TOMT: variants seen among roughly 807,000 people sequenced by gnomAD.
TOMT encodes the protein transmembrane O-methyltransferase.
A neutral mutation model predicts 21.7 loss-of-function variants in TOMT; 23 were observed. The ratio of observed to expected loss-of-function variants is 1.06; its 90% CI spans 0.76 to 1.50. The LOEUF is 1.50. TOMT is among the 40% of genes most tolerant of loss of function. The probability of loss-of-function intolerance (pLI) is 0.00; values close to 1 mark genes in which losing one functional copy is unlikely to be tolerated. For synonymous variants in TOMT, 132 were observed against 150.8 expected (o/e 0.88, Z 0.91); for missense variants, 331 against 348.7 (o/e 0.95, Z 0.41).
chr11:72,107,840 G>A (rs1453584933), intron 1 of TOMT, 83 bp from the exon 2 acceptor site: 2 of 1,468,878 alleles, frequency 1.4e-6, no homozygotes, highest in African/African-American at 2.8e-5. Context: ...CTGCAGTGAG[G>A]CAGGTAGGCA....
chr11:72,108,241 G>T, intron 2 of TOMT, 122 bp downstream of exon 2: 1 of 875,068 alleles, frequency 1.1e-6, no homozygotes, highest in Non-Finnish European at 1.7e-6. Flanking sequence ...CTGTGATGCT[G>T]GATGGTGTGT....
exon 1 of TOMT, chr11:72,105,953 T>C (rs371708775): frequency 4.5e-6 from 7 of 1,548,082 alleles, no homozygotes; most frequent in South Asian, 1.2e-5. Context: ...GTAGGGACCA[T>C]GTCCCCTGCC....
At chr11:72,107,936 G>T in exon 2 of TOMT, 1 of 1,551,692 alleles carries the variant, frequency 6.4e-7, no homozygotes, top group Non-Finnish European at 8.7e-7. Context: ...AGATCCTGAT[G>T]CGGCTGGTGG....
chr11:72,107,278 A>T, intron 1 of TOMT: 1 of 601,728 alleles, frequency 1.7e-6, no homozygotes, highest in Non-Finnish European at 3.0e-6. Flanking sequence ...AAAATAAATA[A>T]ATAAAAGTTC....
At chr11:72,108,503 G>T in intron 2 of TOMT, 102 bp from the exon 3 acceptor site, 1 of 1,041,588 alleles carries the variant, frequency 9.6e-7, no homozygotes. Context: ...CTCATGGGAA[G>T]CTAAGCCAGG....
chr11:72,107,792 TG>T, intron 1 of TOMT, 130 bp from the exon 2 acceptor site: 1 of 931,338 alleles, frequency 1.1e-6, no homozygotes, highest in Non-Finnish European at 1.6e-6. Context: ...GCTGGGGCTA[TG>T]GTACAAGAGA....
At chr11:72,108,027 C>T (rs564372520) in exon 2 of TOMT, 1 of 1,551,626 alleles carries the variant, frequency 6.4e-7, no homozygotes, top group Non-Finnish European at 8.7e-7. Context: ...AGCCCTGCCC[C>T]CTGGGGGTCG....
At chr11:72,107,659 C>T (rs865900005) in intron 1 of TOMT, 20 of 619,192 alleles carry the variant, frequency 3.2e-5, no homozygotes, top group East Asian at 2.7e-5. Flanking sequence ...GGCTGAGAAT[C>T]CCAAGTTCAA....
In TOMT at chr11:72,107,330, A is replaced by G. The variant is rs532998461; in HGVS notation, c.260-593A>G. 14 of 616,710 alleles carry G rather than the reference A, an allele frequency of 2.3e-5. 1 individual carries two copies. In the African/African-American group the frequency reaches 2.6e-4, roughly 11 times the overall value. The allele number at this position is 616,710 out of a possible 1,614,324, so 38.2% of individuals were successfully genotyped here. A position where few individuals can be genotyped will look rare whatever the true frequency, so the allele number is the denominator to read the frequency against. Reference sequence around the variant, plus strand: ...AGAAATACATTTGATGAGCAATAAAAGGGGAATGAAACTACAAATTCTAAC... The same window carrying G: ...AGAAATACATTTGATGAGCAATAAAGGGGGAATGAAACTACAAATTCTAAC... On this transcript the variant is annotated intron_variant, in intron 1 of 2. Transcript: ENST00000541899.
chr11:72,106,441 G>A, intron 1 of TOMT: 2 of 438,406 alleles, frequency 4.6e-6, no homozygotes, highest in South Asian at 1.2e-4. Context: ...GAGAGGGGTA[G>A]AGGCCACAGA....
rs763075211 is a variant in TOMT, at chr11:72,106,143, C to T, written c.192C>T (p.His64=). 5 of 1,540,196 alleles carry T rather than the reference C, an allele frequency of 3.2e-6. No homozygotes were observed. In the South Asian group the frequency reaches 6.0e-5, roughly 18 times the overall value. ...ATGCCCTGCCCGGTGACCCTGGTCACATCCTCACCACCCTGGACCACTGGA... is the reference window on the plus strand; with the variant it reads ...ATGCCCTGCCCGGTGACCCTGGTCATATCCTCACCACCCTGGACCACTGGA... Residue 64 remains histidine, a synonymous_variant, in exon 1 of 3, where the codon CAC becomes CAT. Coordinates refer to ENST00000541899, the Ensembl canonical transcript of TOMT.
rs553986932 is a variant in TOMT, at chr11:72,106,952, A to G, written c.259+742A>G. The G allele has an allele frequency of 6.8e-4, 105 of 154,856 alleles. 1 individual carries two copies. The highest frequency in any genetic ancestry group is 1.2e-3 in the African/African-American group (48 of 41,028). 9.6% of individuals were successfully genotyped at this position (154,856 alleles called of 1,614,324 possible). A position where few individuals can be genotyped will look rare whatever the true frequency, so the allele number is the denominator to read the frequency against. ...CAAGAACCTGTCTCAAAAAAAAAAA[A>G]AAAAAGAAAAAGAAAAGAAAAGAAA... On this transcript the variant is annotated intron_variant, in intron 1 of 2. Transcript: ENST00000541899.
exon 3 of TOMT, chr11:72,109,013 C>T (rs948059983): frequency 1.0e-5 from 12 of 1,173,120 alleles, no homozygotes; most frequent in Non-Finnish European, 1.4e-5. Context: ...CTGTTTGGGG[C>T]CTTGACACAC....
At chr11:72,106,154 C>CCCTGGACCACTGGAGCAG in exon 1 of TOMT, 1 of 1,530,292 alleles carries the variant, frequency 6.5e-7, no homozygotes, top group East Asian at 2.5e-5. Flanking sequence ...ATCCTCACCA[C>CCCTGGACCACTGGAGCAG]CCTGGACCAC....
In TOMT at chr11:72,108,140, A is replaced by G. The variant is rs547513437; in HGVS notation, c.456+21A>G. 2.7e-6 allele frequency: 4 copies of G among 1,473,710 alleles called. No individual in the cohort carries two copies. The East Asian group carries it at 7.5e-5, about 28-fold the overall frequency. 91.3% of individuals were successfully genotyped at this position (1,473,710 alleles called of 1,614,324 possible). On this transcript the variant is annotated intron_variant, in intron 2 of 2. Transcript: ENST00000541899. ...ACATGGTCAGCCTCCCATCTCCCCA[A>G]CCCAGATTTTTGTCACCCCAGGCCT...
chr11:72,106,129 G>A lies in TOMT; in HGVS notation c.178G>A (p.Gly60Ser), dbSNP rs1020485331. Residue 60 changes from glycine to serine, a missense_variant, in exon 1 of 3, where the codon GGT becomes AGT. Coordinates refer to ENST00000541899, the Ensembl canonical transcript of TOMT. ...CTACGTGCTCACCCATGCCCTGCCC[G>A]GTGACCCTGGTCACATCCTCACCAC... 1.3e-5 allele frequency: 20 copies of A among 1,544,108 alleles called. No homozygotes were observed. Among genetic ancestry groups the A allele is most frequent in the African/African-American group, 6.9e-5 (5 of 72,954 alleles).
At chr11:72,106,147 C>T (rs1322182076) in exon 1 of TOMT, 1 of 1,537,866 alleles carries the variant, frequency 6.5e-7, no homozygotes. Context: ...TGGTCACATC[C>T]TCACCACCCT....
exon 1 of TOMT, chr11:72,105,930 C>T: frequency 6.5e-7 from 1 of 1,534,180 alleles, no homozygotes; most frequent in Non-Finnish European, 8.8e-7. Context: ...CCTCCCTCCA[C>T]CCCAGGGCCC....
At chr11:72,107,590 G>T (rs1272467820) in intron 1 of TOMT, 1 of 693,536 alleles carries the variant, frequency 1.4e-6, no homozygotes, top group East Asian at 2.7e-5. Flanking sequence ...CAGGTGGGAA[G>T]TACTGAGAGA....
Sources: gnomAD v4.1 joint callset for allele counts on GRCh38, gnomAD v4.1.1 for gene constraint, MANE v1.5 for transcripts, NCBI Gene and HGNC (gene_info 2026-07-23, HGNC 2026-07-21) for gene names.